Variants in ARPC1B observed in about 807,000 individuals in gnomAD.
ARPC1B encodes the protein actin related protein 2/3 complex subunit 1B.
A neutral mutation model predicts 46.0 loss-of-function variants in ARPC1B; 29 were observed. The ratio of observed to expected loss-of-function variants is 0.63; its 90% CI spans 0.47 to 0.86. The LOEUF is 0.86. Ranked by LOEUF, ARPC1B falls within the 40% of genes least tolerant of loss-of-function variation. The pLI is 0.00. For missense variants in ARPC1B, 469 were observed against 529.4 expected (o/e 0.89, Z 1.12); for synonymous variants, 201 against 213.9 (o/e 0.94, Z 0.53).
chr7:99,386,831 G>C, intron 3 of ARPC1B, 42 bp downstream of exon 3: 1 of 1,509,668 alleles, frequency 6.6e-7, no homozygotes, highest in Non-Finnish European at 9.2e-7. Flanking sequence ...AAAGGAGGTG[G>C]TGGGTTGGGG....
intron 1 of ARPC1B, among the ~76,000 whole-genome samples, chr7:99,378,199 ACAGG>A (rs1283965545): frequency 6.6e-6 from 1 of 151,164 alleles, no homozygotes; most frequent in African/African-American, 2.4e-5. Flanking sequence ...AGCCAGGACT[ACAGG>A]CGTACAGCAT....
chr7:99,388,495 G>T (rs1233688343), intron 4 of ARPC1B, among the ~76,000 whole-genome samples: 1 of 152,160 alleles, frequency 6.6e-6, no homozygotes, highest in Non-Finnish European at 1.5e-5. Flanking sequence ...ACCTCACTAA[G>T]CCCTGCACAC....
chr7:99,385,696 G>T lies in ARPC1B; in HGVS notation c.-13-6G>T. 1 of 1,604,816 alleles carries T rather than the reference G, an allele frequency of 6.2e-7. No individual in the cohort carries two copies. On this transcript the variant is annotated splice_region_variant and splice_polypyrimidine_tract_variant and intron_variant, in intron 1 of 9. Transcript: ENST00000646101. ...CGTGGATTCTCTCTTCCTCTCTCGG[G>T]CACAGGAGCCAAGCCGCCATGGCCT...
At chr7:99,385,320 C>T (rs1441894210) in intron 1 of ARPC1B, among the ~76,000 whole-genome samples, 3 of 119,448 alleles carry the variant, frequency 2.5e-5, no homozygotes, top group Non-Finnish European at 5.0e-5. Context: ...GGGGGGGGGT[C>T]GTCCATCCTA....
At chr7:99,386,999 A>G (rs1794409648) in intron 3 of ARPC1B, among the ~76,000 whole-genome samples, 1 of 152,246 alleles carries the variant, frequency 6.6e-6, no homozygotes, top group Admixed American at 6.5e-5. Context: ...TTGATCCAGC[A>G]GCTCCACATG....
At chr7:99,377,967 G>C (rs1361675571) in intron 1 of ARPC1B, among the ~76,000 whole-genome samples, 6 of 151,984 alleles carry the variant, frequency 3.9e-5, no homozygotes, top group Non-Finnish European at 7.4e-5. Flanking sequence ...TAATTACGTA[G>C]CATCTCAACA....
At position 99,390,918 on chromosome 7, in the gene ARPC1B, G is replaced by T; in HGVS notation, c.526G>T (p.Val176Leu). ...GATCTTTTCAGCCTACATCAAGGAG[G>T]TGGAGGAACGGCCGGCACCCACCCC... Reference protein sequence around the residue: ...CRIFSAYIKEVEERPAPTPWG... With the variant: ...CRIFSAYIKELEERPAPTPWG... The change falls in exon 6 of 10, where the codon GTG becomes TTG. Residue 176 changes from valine to leucine, a missense_variant. Coordinates refer to ENST00000646101, the MANE Select transcript of ARPC1B (RefSeq NM_005720.4). The T allele has an allele frequency of 1.2e-6, 2 of 1,611,218 alleles. No individual in the cohort carries two copies. Among genetic ancestry groups the T allele is most frequent in the Non-Finnish European group, 1.7e-6 (2 of 1,178,034 alleles).
Position 99,394,487 on chromosome 7 carries a change from T to A in ARPC1B, c.1117T>A (p.Ter373ArgextTer10), listed in dbSNP as rs747549559. 11 of 1,613,930 alleles carry A rather than the reference T, an allele frequency of 6.8e-6. No individual in the cohort carries two copies. Among genetic ancestry groups the A allele is most frequent in the Admixed American group, 6.7e-5 (4 of 59,972 alleles). ...AGCCTTGAAGGACCTCAAGATCAAA[T>A]GACCTGTGAGGAATATGTTGCCTTC... is the stretch of plus-strand genomic sequence containing the variant. Reference protein sequence around the residue: ...ESALKDLKIK* With the variant: ...ESALKDLKIKR Residue 373 changes from the stop codon to arginine, a stop_lost, in exon 10 of 10, where the codon TGA becomes AGA. Transcript: ENST00000646101.
intron 2 of ARPC1B, among the ~76,000 whole-genome samples, 186 bp downstream of exon 2, chr7:99,385,964 G>A (rs1228920724): frequency 6.6e-6 from 1 of 152,140 alleles, no homozygotes; most frequent in East Asian, 1.9e-4. Context: ...TTTAAGGAGG[G>A]AATGGGCCAG....
rs947832461 is a variant in ARPC1B at position 99,392,844 on chromosome 7, G to C, written c.957G>C (p.Ala319=). The C allele has an allele frequency of 5.2e-6, 8 of 1,548,806 alleles. No individual in the cohort carries two copies. The highest frequency in any genetic ancestry group is 2.7e-5 in the African/African-American group (2 of 73,024). Residue 319 remains alanine (A), a synonymous_variant, in exon 8 of 10, where the codon GCG becomes GCC. Coordinates refer to ENST00000646101, the MANE Select transcript of ARPC1B (RefSeq NM_005720.4). ...ASSEGGTAAG[A]GLDSLHKNSV... is the part of the protein sequence containing the mutation. ...CCGAGGGTGGCACGGCTGCGGGCGC[G>C]GGCCTAGACTCGCTGCACAAGAACA...
intron 7 of ARPC1B, 44 bp downstream of exon 7, chr7:99,391,297 C>G (rs775598851): frequency 1.3e-6 from 2 of 1,586,168 alleles, no homozygotes; most frequent in Non-Finnish European, 1.7e-6. Flanking sequence ...TCACAGCAGG[C>G]CTCCGAGAGA....
At position 99,384,452 on chromosome 7, in the gene ARPC1B, G is replaced by A. The variant is rs148369199; in HGVS notation, c.-13-1250G>A. Among the ~76,000 whole-genome samples, 12 of 152,318 alleles carry A rather than the reference G, an allele frequency of 7.9e-5. No homozygotes were observed. The East Asian group carries it at 1.2e-3, about 15-fold the overall frequency. ...ACAAATCAAAAATTAGTTGGGCACA[G>A]TGGCACATGCTTGTAATCCCAGGAG... is the stretch of plus-strand genomic sequence containing the variant. On this transcript the variant is annotated intron_variant, in intron 1 of 9. Transcript: ENST00000646101.
In ARPC1B at chr7:99,389,929, G is replaced by A. The variant is rs983603518; in HGVS notation, c.417G>A (p.Lys139=). ...GGTGGGTTTGCAAGCACATCAAGAA[G>A]CCCATCCGCTCCACCGTCCTCAGCC... ...NDWWVCKHIK[K]PIRSTVLSLD... is the part of the protein sequence containing the mutation. The change falls in exon 5 of 10, where the codon AAG becomes AAA. Residue 139 remains lysine (K), a synonymous_variant. Transcript: ENST00000646101. 1.9e-6 allele frequency: 3 copies of A among 1,614,008 alleles called. No individual in the cohort carries two copies. Among genetic ancestry groups the A allele is most frequent in the Non-Finnish European group, 2.5e-6 (3 of 1,180,006 alleles).
chr7:99,390,745 T>C (rs1030654471), intron 5 of ARPC1B, 148 bp from the exon 6 acceptor site: 23 of 650,556 alleles, frequency 3.5e-5, no homozygotes, highest in African/African-American at 1.8e-4. Context: ...TTGCCCAAAC[T>C]GGAGCACAGT....
At chr7:99,376,330 A>G (rs1794030191) in intron 1 of ARPC1B, 1 of 152,242 alleles carries the variant, frequency 6.6e-6, no homozygotes, top group African/African-American at 2.4e-5. Flanking sequence ...GGAAAATGGG[A>G]ACCTTAAAGA....
At chr7:99,379,498 C>G (rs1794145279) in intron 1 of ARPC1B, among the ~76,000 whole-genome samples, 1 of 152,166 alleles carries the variant, frequency 6.6e-6, no homozygotes. Flanking sequence ...TGAGATCTTT[C>G]CTCCAGGCAA....
At chr7:99,376,114 G>C (rs1199912103) in intron 1 of ARPC1B, among the ~76,000 whole-genome samples, 2 of 151,062 alleles carry the variant, frequency 1.3e-5, no homozygotes, top group African/African-American at 2.4e-5. Flanking sequence ...CTACTTAGGA[G>C]GATGAGGCAA....
At chr7:99,379,057 G>A (rs544277811) in intron 1 of ARPC1B, among the ~76,000 whole-genome samples, 27 of 152,236 alleles carry the variant, frequency 1.8e-4, no homozygotes, top group Admixed American at 1.6e-3. Flanking sequence ...GAGTATAGGC[G>A]TGAGCCACCA....
chr7:99,378,219 C>T (rs982590853), intron 1 of ARPC1B, among the ~76,000 whole-genome samples: 1 of 151,130 alleles, frequency 6.6e-6, no homozygotes, highest in African/African-American at 2.4e-5. Flanking sequence ...AGCATCACAT[C>T]CCGCTAATTT....
Sources: allele counts gnomAD v4.1 joint callset (sites outside exome capture counted in the v4.1 genomes callset), GRCh38; gene constraint gnomAD v4.1.1; transcripts MANE v1.5; gene names NCBI Gene and HGNC (gene_info 2026-07-23, HGNC 2026-07-21).